PRCC: variants seen among roughly 807,000 people sequenced by gnomAD.
PRCC encodes the protein proline rich mitotic checkpoint control factor.
In PRCC, 10 loss-of-function variants were observed where a neutral mutation model predicts 44.0. That is an observed-to-expected ratio of 0.23 (90% CI 0.14 to 0.39). PRCC has a LOEUF of 0.39. Ranked by LOEUF, PRCC falls within the 10% of genes least tolerant of loss-of-function variation. The pLI, the probability that PRCC is intolerant of heterozygous loss-of-function variation, is 1.00. For synonymous variants in PRCC, 278 were observed against 259.5 expected, an observed-to-expected ratio of 1.07 and a Z score of -0.69; for missense variants, 573 against 624.7, an observed-to-expected ratio of 0.92 and a Z score of 0.88.
chr1:156,794,578 A>G, intron 4 of PRCC, 87 bp from the exon 5 acceptor site: 1 of 1,512,368 alleles, frequency 6.6e-7, no homozygotes, highest in Non-Finnish European at 9.0e-7. Flanking sequence ...GTGAGTCACA[A>G]AATCATTCCA....
At chr1:156,773,501 A>C (rs114615264) in intron 1 of PRCC, among the ~76,000 whole-genome samples, 2,272 of 152,138 alleles carry the variant, frequency 0.015, 54 homozygotes, top group African/African-American at 0.052. Flanking sequence ...CAGACTCAAC[A>C]GTTTGTGCCT....
At chr1:156,770,234 G>T (rs12143060) in intron 1 of PRCC, among the ~76,000 whole-genome samples, 5,215 of 152,294 alleles carry the variant, frequency 0.034, 152 homozygotes, top group Non-Finnish European at 0.057. Flanking sequence ...ACAGTAACAT[G>T]GCTAATTAAA....
chr1:156,797,569 A>T (rs1652701775), intron 6 of PRCC, among the ~76,000 whole-genome samples: 1 of 152,228 alleles, frequency 6.6e-6, no homozygotes, highest in East Asian at 1.9e-4. Flanking sequence ...GGTGCTTAGA[A>T]TAAAACTCTT....
Position 156,800,548 on chromosome 1 carries a change from GC to G in PRCC, c.*91del. 1 of 1,343,094 alleles carries G rather than the reference GC, an allele frequency of 7.4e-7. No homozygotes were observed. Among genetic ancestry groups the G allele is most frequent in the Non-Finnish European group, 1.1e-6 (1 of 940,600 alleles). 83.2% of individuals were successfully genotyped at this position (1,343,094 alleles called of 1,614,324 possible). A position where few individuals can be genotyped will look rare whatever the true frequency, so the allele number is the denominator to read the frequency against. ...ACCTCTGGGACCCCAGCTGCTCTAA[GC>G]CCAGGATCTCTTTCCCCAAGGACCC... On this transcript the variant is annotated 3_prime_UTR_variant, in exon 7 of 7. Coordinates refer to ENST00000271526, the MANE Select transcript of PRCC (RefSeq NM_005973.5).
chr1:156,799,033 A>C (rs1315688221), intron 6 of PRCC, among the ~76,000 whole-genome samples: 1 of 152,182 alleles, frequency 6.6e-6, no homozygotes, highest in Non-Finnish European at 1.5e-5. Context: ...GGTGGCTGTG[A>C]AATTATGACA....
At position 156,791,744 on chromosome 1, in the gene PRCC, C is replaced by G. The variant is rs1209675313; in HGVS notation, c.1131C>G (p.Val377=). The G allele has an allele frequency of 1.2e-5, 20 of 1,611,378 alleles. No homozygotes were observed. Among genetic ancestry groups the G allele is most frequent in the Non-Finnish European group, 1.7e-5 (20 of 1,178,830 alleles). The change falls in exon 4 of 7, where the codon GTC becomes GTG. Residue 377 remains valine, a synonymous_variant. Transcript: ENST00000271526. ...GYYPAQDPAL[V]PPQEIAPDAS... ...ATCCTGCACAGGACCCGGCCCTGGT[C>G]CCCCCCCAGGAAATTGCCCCAGATG...
chr1:156,774,526 G>T (rs957756025), intron 1 of PRCC, among the ~76,000 whole-genome samples: 4 of 150,948 alleles, frequency 2.6e-5, no homozygotes, highest in African/African-American at 9.8e-5. Context: ...TCAGTCTGTT[G>T]CCCAGGCTGG....
intron 5 of PRCC, chr1:156,796,915 C>T: frequency 4.8e-6 from 1 of 210,422 alleles, no homozygotes; most frequent in Non-Finnish European, 9.8e-6. Flanking sequence ...TTCAGACTGA[C>T]TGCACGCAGT....
At chr1:156,775,593 C>T (rs1424062718) in intron 1 of PRCC, among the ~76,000 whole-genome samples, 6 of 151,658 alleles carry the variant, frequency 4.0e-5, no homozygotes, top group Admixed American at 6.6e-5. Context: ...TCACTGCAAC[C>T]GCCGCCTCCC....
Position 156,767,828 on chromosome 1 carries a change from C to CGAGCCG in PRCC, c.61_66dup (p.Pro21_Glu22dup). The CGAGCCG allele has an allele frequency of 1.2e-6, 2 of 1,610,344 alleles. No homozygotes were observed. The highest frequency in any genetic ancestry group is 1.7e-6 in the Non-Finnish European group (2 of 1,179,138). On this transcript the variant is annotated inframe_insertion, in exon 1 of 7. Coordinates refer to ENST00000271526, the MANE Select transcript of PRCC (RefSeq NM_005973.5). ...AGAGCGAGCCGGATGAGGCTGAGCC[C>CGAGCCG]GAGCCGGAGGAAGAGGAGGCGGTGG...
chr1:156,791,051 C>A, intron 3 of PRCC: 2 of 1,369,770 alleles, frequency 1.5e-6, no homozygotes, highest in Non-Finnish European at 9.9e-7. Context: ...TTGCCTTCAC[C>A]CTCCTCTTCC....
At chr1:156,797,543 A>G (rs1452135555) in intron 6 of PRCC, among the ~76,000 whole-genome samples, 1 of 152,232 alleles carries the variant, frequency 6.6e-6, no homozygotes, top group East Asian at 1.9e-4. Context: ...CTCAATGCAG[A>G]TAAGATTCAG....
At chr1:156,791,633 C>T in intron 3 of PRCC, 64 bp from the exon 4 acceptor site, 2 of 1,464,444 alleles carry the variant, frequency 1.4e-6, no homozygotes, top group South Asian at 2.4e-5. Flanking sequence ...TCTGGACAGA[C>T]CTTACCTTCC....
At chr1:156,793,636 G>A (rs1652564972) in intron 4 of PRCC, among the ~76,000 whole-genome samples, 1 of 151,966 alleles carries the variant, frequency 6.6e-6, no homozygotes, top group Admixed American at 6.6e-5. Context: ...CGGTGATACC[G>A]AACAATTAGA....
intron 1 of PRCC, among the ~76,000 whole-genome samples, chr1:156,775,216 C>T (rs1436210263): frequency 6.6e-6 from 1 of 152,034 alleles, no homozygotes; most frequent in Non-Finnish European, 1.5e-5. Flanking sequence ...CCACTGCACT[C>T]CAGCCTGGGC....
chr1:156,787,795 T>C (rs1393643905), intron 3 of PRCC, among the ~76,000 whole-genome samples: 1 of 150,418 alleles, frequency 6.6e-6, no homozygotes, highest in African/African-American at 2.5e-5. Context: ...GGACTACAGA[T>C]GTGTGCCACC....
intron 2 of PRCC, among the ~76,000 whole-genome samples, chr1:156,784,524 C>T (rs982234272): frequency 3.3e-5 from 5 of 152,224 alleles, no homozygotes; most frequent in African/African-American, 1.2e-4. Flanking sequence ...AAGTCAGACA[C>T]TTCAAGGTAG....
intron 1 of PRCC, among the ~76,000 whole-genome samples, chr1:156,770,736 A>G (rs6675024): frequency 0.026 from 3,924 of 152,340 alleles, 200 homozygotes; most frequent in African/African-American, 0.09. Flanking sequence ...TCTGAGCTCT[A>G]TGTCTTACAC....
At chr1:156,776,532 T>A (rs939607411) in intron 1 of PRCC, among the ~76,000 whole-genome samples, 2 of 152,226 alleles carry the variant, frequency 1.3e-5, no homozygotes, top group Non-Finnish European at 2.9e-5. Context: ...GGAAACAATT[T>A]GTGACATTTA....
Sources: allele counts gnomAD v4.1 joint callset (sites outside exome capture counted in the v4.1 genomes callset), GRCh38; gene constraint gnomAD v4.1.1; transcripts MANE v1.5; gene names NCBI Gene and HGNC (gene_info 2026-07-23, HGNC 2026-07-21).